Variants in USP6 observed in about 807,000 individuals in gnomAD.
The protein encoded by USP6 is ubiquitin carboxyl-terminal hydrolase 6.
A neutral mutation model predicts 175.7 loss-of-function variants in USP6; 128 were observed. The ratio of observed to expected loss-of-function variants is 0.73; its 90% CI spans 0.63 to 0.84. USP6 has a LOEUF of 0.84. Ranked by LOEUF, USP6 falls within the 40% of genes least tolerant of loss-of-function variation. The pLI is 0.00. For missense variants in USP6, 1,498 were observed against 1,760.3 expected (o/e 0.85, Z 2.67); for synonymous variants, 562 against 630.6 (o/e 0.89, Z 1.63).
rs574302880 is a variant in USP6, at chr17:5,168,478, T to C, written c.3229-289T>C. Among the ~76,000 whole-genome samples, 6 of 152,332 alleles carry C rather than the reference T, an allele frequency of 3.9e-5. No individual in the cohort carries two copies. In the South Asian group the frequency reaches 1.2e-3, roughly 32 times the overall value. The stretch of plus-strand genomic sequence containing the variant: ...AGAGAGGAAGCTTAGGCTAGCCCTT[T>C]GTGGACTCTAGAAGAGCAACTGAGC... On this transcript the variant is annotated intron_variant, in intron 34 of 37. Coordinates refer to ENST00000574788, the MANE Select transcript of USP6 (RefSeq NM_001304284.2).
intron 25 of USP6, among the ~76,000 whole-genome samples, 193 bp downstream of exon 25, chr17:5,142,695 G>A (rs1034344015): frequency 6.6e-6 from 1 of 152,094 alleles, no homozygotes; most frequent in Non-Finnish European, 1.5e-5. Flanking sequence ...GCAGTGGGTA[G>A]GATAAAGACC....
intron 30 of USP6, among the ~76,000 whole-genome samples, chr17:5,152,832 A>G (rs1420296513): frequency 2.0e-5 from 3 of 152,050 alleles, no homozygotes; most frequent in Non-Finnish European, 4.4e-5. Flanking sequence ...CCCCATCTCT[A>G]CAGAAAATAC....
chr17:5,139,437 C>T lies in USP6; in HGVS notation c.1261C>T (p.Arg421Trp), dbSNP rs758442476. Residue 421 changes from arginine (R) to tryptophan (W), a missense_variant, in exon 22 of 38, where the codon CGG becomes TGG. By Grantham distance (101) the Arg-to-Trp change is moderately radical (BLOSUM62 -3). Around this residue, in one of 2 missense-constraint regions of USP6, gnomAD observed 1,217 missense variants for 1,500.8 expected, o/e 0.81. Transcript: ENST00000574788. ...CACGCCCTGTCCTGGTGGGGCTGTC[C>T]GGGAAGACACGTACCCTGTGGGCAC... ...FSTPCPGGAV[R>W]EDTYPVGTQG... The T allele has an allele frequency of 1.2e-5, 19 of 1,612,950 alleles. No homozygotes were observed. The highest frequency in any genetic ancestry group is 2.7e-5 in the African/African-American group (2 of 74,876).
intron 18 of USP6, 104 bp from the exon 19 acceptor site, chr17:5,137,017 C>A: frequency 7.5e-7 from 1 of 1,325,656 alleles, no homozygotes; most frequent in Non-Finnish European, 1.1e-6. Context: ...GTTCTGGACA[C>A]CGCCCAGTGT....
At chr17:5,141,312 T>A in intron 22 of USP6, 113 bp from the exon 23 acceptor site, 1 of 953,796 alleles carries the variant, frequency 1.0e-6, no homozygotes, top group South Asian at 1.5e-5. Context: ...TTAGCTAGAT[T>A]TTAAAACTTC....
chr17:5,130,574 C>A (rs2073033989), intron 10 of USP6, 28 bp from the exon 11 acceptor site: 2 of 1,612,768 alleles, frequency 1.2e-6, no homozygotes, highest in Non-Finnish European at 1.7e-6. Context: ...ACCTTGGACC[C>A]CTCACCAAGG....
At chr17:5,127,750 T>G (rs1227224586) in intron 7 of USP6, 111 bp downstream of exon 7, 1 of 152,242 alleles carries the variant, frequency 6.6e-6, no homozygotes, top group Non-Finnish European at 1.5e-5. Flanking sequence ...ACCTAGTATT[T>G]ACATATAAGC....
intron 32 of USP6, among the ~76,000 whole-genome samples, chr17:5,162,292 C>T (rs2074019389): frequency 6.6e-6 from 1 of 152,004 alleles, no homozygotes; most frequent in Non-Finnish European, 1.5e-5. Context: ...GCTGGGACTA[C>T]AGTTGCACAC....
chr17:5,116,873 G>A (rs963122830), intron 1 of USP6, 133 bp downstream of exon 1: 2 of 152,266 alleles, frequency 1.3e-5, no homozygotes, highest in Non-Finnish European at 2.9e-5. Flanking sequence ...CCAACACATA[G>A]CAAGTACTGA....
Position 5,132,324 on chromosome 17 carries a change from G to A in USP6, c.156-72G>A. 6.2e-7 allele frequency: 1 copy of A among 1,611,810 alleles called. No homozygotes were observed. Among genetic ancestry groups the A allele is most frequent in the Non-Finnish European group, 8.5e-7 (1 of 1,179,676 alleles). ...ATAGGGACAGAGCCAGTCCTTTCTG[G>A]GGGTCGGCTCCCAGGCTTGGGCGGC... On this transcript the variant is annotated intron_variant, in intron 11 of 37. Coordinates refer to ENST00000574788, the MANE Select transcript of USP6 (RefSeq NM_001304284.2). This position sits in a 1 kb window ranked among gnomAD's most constrained non-coding sequence, Gnocchi z 4.7.
At chr17:5,131,837 C>A (rs1007046878) in intron 11 of USP6, among the ~76,000 whole-genome samples, 1 of 151,874 alleles carries the variant, frequency 6.6e-6, no homozygotes, top group African/African-American at 2.4e-5. Context: ...TGAGCCGTGC[C>A]ACTTCTGAAA....
Position 5,174,926 on chromosome 17 carries a change from A to G in USP6, c.*1948A>G, listed in dbSNP as rs886848408. 2 of 190,934 alleles carry G rather than the reference A, an allele frequency of 1.0e-5. No homozygotes were observed. Among genetic ancestry groups the G allele is most frequent in the African/African-American group, 2.3e-5 (1 of 42,946 alleles). 11.8% of individuals were successfully genotyped at this position (190,934 alleles called of 1,614,324 possible). Reference sequence around the variant, plus strand: ...CTGTATCAAAAGTATTGGTAATTGTATATGGGGTGTACCTGTTTATCTGTT... The same window carrying G: ...CTGTATCAAAAGTATTGGTAATTGTGTATGGGGTGTACCTGTTTATCTGTT... On this transcript the variant is annotated 3_prime_UTR_variant, in exon 38 of 38. Transcript: ENST00000574788.
intron 33 of USP6, among the ~76,000 whole-genome samples, chr17:5,165,219 A>G (rs2074074662): frequency 6.6e-6 from 1 of 152,256 alleles, no homozygotes; most frequent in African/African-American, 2.4e-5. Flanking sequence ...TATTAAGAAT[A>G]TAACAGGATT....
In USP6 at chr17:5,120,233, G is replaced by A. The variant is rs187073890; in HGVS notation, c.-1836-394G>A. Among the ~76,000 whole-genome samples, 761 of 152,250 alleles carry A rather than the reference G, an allele frequency of 5.0e-3. 11 individuals carry two copies. Among genetic ancestry groups the A allele is most frequent in the African/African-American group, 0.017 (723 of 41,540 alleles). On this transcript the variant is annotated intron_variant, in intron 2 of 37. Coordinates refer to ENST00000574788, the MANE Select transcript of USP6 (RefSeq NM_001304284.2). ...GGCCTGGCACGGTGACACCAACGTAGGGTTGCTCTCTGCATGCCTGTGCTG... is the reference window on the plus strand; with the variant it reads ...GGCCTGGCACGGTGACACCAACGTAAGGTTGCTCTCTGCATGCCTGTGCTG...
chr17:5,163,024 G>A lies in USP6; in HGVS notation c.3036+20G>A, dbSNP rs755719425. 16 of 1,520,268 alleles carry A rather than the reference G, an allele frequency of 1.1e-5. No homozygotes were observed. Among genetic ancestry groups the A allele is most frequent in the Admixed American group, 9.8e-5 (4 of 40,658 alleles). 94.2% of individuals were successfully genotyped at this position (1,520,268 alleles called of 1,614,324 possible). ...GAAAGGGTAAGAATTTAGGGCCACC[G>A]TAAAATGGTGGTTTTTATATGGGAA... On this transcript the variant is annotated intron_variant, in intron 33 of 37. Transcript: ENST00000574788.
chr17:5,142,630 A>C (rs2073481894), intron 25 of USP6, 128 bp downstream of exon 25: 3 of 1,375,650 alleles, frequency 2.2e-6, no homozygotes, highest in Admixed American at 2.9e-5. Flanking sequence ...CTTGGTATAA[A>C]CAAGAGGCCA....
In USP6 at chr17:5,168,928, C is replaced by T; in HGVS notation, c.3390C>T (p.Leu1130=). 1 of 1,613,988 alleles carries T rather than the reference C, an allele frequency of 6.2e-7. No individual in the cohort carries two copies. The change falls in exon 35 of 38, where the codon CTC becomes CTT. Residue 1130 remains leucine, a synonymous_variant. Transcript: ENST00000574788. ...CACTCACACCCCAGGGGGATGAGCT[C>T]TCCAAGCCCAGGATTCTGGCAAGAG... The part of the protein sequence containing the change: ...HKPLTPQGDE[L]SKPRILAREV...
intron 11 of USP6, among the ~76,000 whole-genome samples, chr17:5,131,343 A>G (rs528119118): frequency 4.0e-5 from 6 of 150,800 alleles, no homozygotes; most frequent in African/African-American, 1.5e-4. Flanking sequence ...CCTGGAGCCC[A>G]ACCCTCAGGG....
chr17:5,153,842 G>T (rs1216524606), intron 30 of USP6, among the ~76,000 whole-genome samples: 3 of 152,112 alleles, frequency 2.0e-5, no homozygotes, highest in Non-Finnish European at 4.4e-5. Flanking sequence ...TTTTAGTAGA[G>T]ACAGGGTTTC....
Sources: allele counts gnomAD v4.1 joint callset (sites outside exome capture counted in the v4.1 genomes callset), GRCh38; gene constraint gnomAD v4.1.1; regional missense constraint gnomAD v4.1.1; non-coding constraint Gnocchi (gnomAD v3.1); transcripts MANE v1.5; gene names NCBI Gene and HGNC (gene_info 2026-07-23, HGNC 2026-07-21).